OOSP1: variants seen among roughly 807,000 people sequenced by gnomAD.
OOSP1 encodes the protein oocyte secreted protein 1.
In OOSP1, 11 loss-of-function variants were observed where a neutral mutation model predicts 5.7. The observed-to-expected ratio is 1.94, with a 90% CI of 1.22 to 3.20. The LOEUF (loss-of-function observed/expected upper bound fraction) is 3.20. Among genes scored for constraint, OOSP1 ranks in the 30% most tolerant of loss-of-function variants. The pLI is 0.00. For missense variants in OOSP1, 83 were observed against 54.1 expected, an observed-to-expected ratio of 1.53 and a Z score of -1.67; for synonymous variants, 44 against 20.0, an observed-to-expected ratio of 2.20 and a Z score of -3.20.
intron 2 of OOSP1, among the ~76,000 whole-genome samples, chr11:59,944,844 C>G (rs1853865569): frequency 6.6e-6 from 1 of 152,210 alleles, no homozygotes; most frequent in Non-Finnish European, 1.5e-5. Flanking sequence ...CCCATGCTCG[C>G]TTTGAATAAG....
intron 3 of OOSP1, 169 bp downstream of exon 3, chr11:59,945,435 T>C: frequency 2.9e-6 from 2 of 679,104 alleles, no homozygotes; most frequent in Non-Finnish European, 2.7e-6. Flanking sequence ...TAGTCCTCTG[T>C]TGCATTGCTA....
intron 4 of OOSP1, among the ~76,000 whole-genome samples, chr11:59,953,265 C>T (rs1385156185): frequency 6.6e-6 from 1 of 152,072 alleles, no homozygotes; most frequent in Non-Finnish European, 1.5e-5. Flanking sequence ...GAATTGGGCC[C>T]AGAGCAACTT....
chr11:59,948,748 T>C (rs1853912070), intron 4 of OOSP1: 1 of 398,180 alleles, frequency 2.5e-6, no homozygotes, highest in Non-Finnish European at 4.4e-6. Context: ...TGAGTACCTT[T>C]ATTGCAAGAG....
At chr11:59,952,720 C>A (rs1230737520) in intron 4 of OOSP1, among the ~76,000 whole-genome samples, 1 of 152,120 alleles carries the variant, frequency 6.6e-6, no homozygotes, top group Non-Finnish European at 1.5e-5. Context: ...GCACTAAAAT[C>A]TCAGAATTCA....
intron 1 of OOSP1, 87 bp from the exon 2 acceptor site, chr11:59,942,760 T>TA (rs1380506518): frequency 1.6e-6 from 1 of 614,826 alleles, no homozygotes; most frequent in Non-Finnish European, 2.9e-6. Flanking sequence ...GATGATCTCT[T>TA]CATTTGTATT....
intron 4 of OOSP1, among the ~76,000 whole-genome samples, chr11:59,949,867 T>C (rs144171395): frequency 6.6e-6 from 1 of 152,170 alleles, no homozygotes; most frequent in Non-Finnish European, 1.5e-5. Flanking sequence ...GGTCCTCAGC[T>C]AGGGGCAATT....
intron 1 of OOSP1, among the ~76,000 whole-genome samples, chr11:59,941,442 C>A (rs1023094874): frequency 6.6e-6 from 1 of 151,890 alleles, no homozygotes; most frequent in Non-Finnish European, 1.5e-5. Flanking sequence ...TGCAGTGGCA[C>A]CATCTCGGCT....
intron 1 of OOSP1, among the ~76,000 whole-genome samples, chr11:59,939,389 C>T (rs1267062829): frequency 1.3e-5 from 2 of 151,808 alleles, no homozygotes; most frequent in Non-Finnish European, 2.9e-5. Flanking sequence ...GTAGCTGGCA[C>T]TGCAGATGTG....
intron 1 of OOSP1, among the ~76,000 whole-genome samples, chr11:59,941,393 T>TC (rs993732749): frequency 6.6e-6 from 1 of 152,114 alleles, no homozygotes; most frequent in African/African-American, 2.4e-5. Context: ...ACTTTTTTTT[T>TC]TTTTGAGACA....
chr11:59,945,648 G>C (rs1302949216), intron 3 of OOSP1, among the ~76,000 whole-genome samples: 2 of 149,868 alleles, frequency 1.3e-5, no homozygotes, highest in Non-Finnish European at 3.0e-5. Context: ...CTACTTGGGA[G>C]CTTGAGGCAG....
intron 3 of OOSP1, 25 bp downstream of exon 3, chr11:59,945,291 G>C: frequency 1.4e-6 from 1 of 702,962 alleles, no homozygotes; most frequent in Non-Finnish European, 2.6e-6. Flanking sequence ...CCAAACCCCT[G>C]TCCTAGCCCC....
intron 3 of OOSP1, among the ~76,000 whole-genome samples, chr11:59,946,059 T>C (rs1853880262): frequency 6.6e-6 from 1 of 152,090 alleles, no homozygotes; most frequent in Non-Finnish European, 1.5e-5. Flanking sequence ...CCATAACCCC[T>C]GAGCCATGGA....
chr11:59,948,962 A>G (rs1170875162), intron 4 of OOSP1: 2 of 393,240 alleles, frequency 5.1e-6, no homozygotes, highest in Non-Finnish European at 9.0e-6. Flanking sequence ...TCCCTTTTTA[A>G]AATAGGAACT....
chr11:59,947,699 CTA>C (rs1251496837), intron 3 of OOSP1, 32 bp from the exon 4 acceptor site: 2 of 398,110 alleles, frequency 5.0e-6, no homozygotes, highest in Non-Finnish European at 8.9e-6. Context: ...ATCTTAACCA[CTA>C]TGTGATATTT....
At chr11:59,941,440 C>T (rs542775959) in intron 1 of OOSP1, among the ~76,000 whole-genome samples, 1 of 151,840 alleles carries the variant, frequency 6.6e-6, no homozygotes, top group Admixed American at 6.6e-5. Context: ...AGTGCAGTGG[C>T]ACCATCTCGG....
chr11:59,957,150 T>C (rs1590559155), intron 4 of OOSP1, 45 bp from the exon 5 acceptor site: 1 of 397,106 alleles, frequency 2.5e-6, no homozygotes, highest in Non-Finnish European at 4.4e-6. Flanking sequence ...AATTTAACTG[T>C]AATGTAATTG....
chr11:59,941,669 C>T (rs913034159), intron 1 of OOSP1, among the ~76,000 whole-genome samples: 4 of 152,158 alleles, frequency 2.6e-5, no homozygotes, highest in Non-Finnish European at 5.9e-5. Context: ...TGAGCCACCT[C>T]GCCCAGCCCA....
chr11:59,956,200 CT>C (rs372566221), intron 4 of OOSP1, among the ~76,000 whole-genome samples: 67 of 145,700 alleles, frequency 4.6e-4, no homozygotes, highest in South Asian at 6.7e-4. Flanking sequence ...TCTTCTTCTT[CT>C]TTTTTTTTTT....
intron 2 of OOSP1, among the ~76,000 whole-genome samples, chr11:59,943,590 A>G (rs1853853172): frequency 6.6e-6 from 1 of 152,242 alleles, no homozygotes; most frequent in African/African-American, 2.4e-5. Context: ...GTTTTGAAGG[A>G]AGAAAGTATT....
Sources: gnomAD v4.1 joint callset for allele counts (sites outside exome capture counted in the v4.1 genomes callset) on GRCh38, gnomAD v4.1.1 for gene constraint, MANE v1.5 for transcripts, NCBI Gene and HGNC (gene_info 2026-07-23, HGNC 2026-07-21) for gene names.